The following HMOX2 variants were observed in gnomAD, a reference collection of about 807,000 sequenced individuals.
HMOX2 encodes heme oxygenase 2, also known as heme oxygenase (decycling) 2.
Under a neutral mutation model 33.7 loss-of-function variants are expected in HMOX2, and 30 were observed. The observed-to-expected ratio is 0.89, with a 90% CI of 0.67 to 1.21. HMOX2 has a LOEUF of 1.21. Among genes scored for constraint, HMOX2 ranks in the 50% most tolerant of loss-of-function variants. HMOX2 has a pLI of 0.00. For synonymous variants in HMOX2, 155 were observed against 155.0 expected, an observed-to-expected ratio of 1.00 and a Z score of 0.00; for missense variants, 403 against 399.1, an observed-to-expected ratio of 1.01 and a Z score of -0.08.
upstream of HMOX2, chr16:4,475,977 G>A (rs1293004703): frequency 6.6e-6 from 1 of 152,226 alleles, no homozygotes; most frequent in Non-Finnish European, 1.5e-5. Context: ...GCCGCTGTTT[G>A]AAGAATGCGA....
At chr16:4,492,339 T>A (rs970418213) in intron 1 of HMOX2, among the ~76,000 whole-genome samples, 49 of 149,730 alleles carry the variant, frequency 3.3e-4, no homozygotes, top group South Asian at 4.2e-4. Flanking sequence ...AAAAAAAAAA[T>A]TAAATAAATA....
At chr16:4,484,915 T>A (rs1394068413) in intron 1 of HMOX2, among the ~76,000 whole-genome samples, 2 of 152,106 alleles carry the variant, frequency 1.3e-5, no homozygotes, top group Admixed American at 6.6e-5. Context: ...AGAAAAAAAA[T>A]CTGTACATGT....
At chr16:4,481,349 A>C (rs1374412667) in intron 1 of HMOX2, among the ~76,000 whole-genome samples, 1 of 4,834 alleles carries the variant, frequency 2.1e-4, no homozygotes, top group African/African-American at 2.3e-4. Context: ...ACTCCGTCTC[A>C]AAAAAAAAAA....
At chr16:4,480,037 CTTTTTTATTTTTTA>C (rs527848423) in intron 1 of HMOX2, among the ~76,000 whole-genome samples, 2 of 149,310 alleles carry the variant, frequency 1.3e-5, no homozygotes, top group South Asian at 2.1e-4. Flanking sequence ...CTGCGCCCGG[CTTTTTTATTTTTTA>C]TTTTTTATTT....
rs74005340 is a variant in HMOX2, at chr16:4,481,609, T to C, written c.-42+5122T>C. Reference sequence around the variant, plus strand: ...GTCTGTATTGCACAATTAATATTTATAGAATGGTACACCTTATGTTATCTT... The same window carrying C: ...GTCTGTATTGCACAATTAATATTTACAGAATGGTACACCTTATGTTATCTT... On this transcript the variant is annotated intron_variant, in intron 1 of 5. Transcript: ENST00000570646. Among the ~76,000 whole-genome samples the C allele has an allele frequency of 1.9e-3, 294 of 152,326 alleles. 1 individual carries two copies. The highest frequency in any genetic ancestry group is 6.7e-3 in the African/African-American group (277 of 41,566).
At chr16:4,481,207 G>A (rs1016209058) in intron 1 of HMOX2, among the ~76,000 whole-genome samples, 2 of 151,810 alleles carry the variant, frequency 1.3e-5, no homozygotes, top group African/African-American at 4.8e-5. Context: ...AAATTAGCCG[G>A]GCATGGTGGC....
chr16:4,504,074 T>C (rs968765523), intron 1 of HMOX2, among the ~76,000 whole-genome samples: 7 of 152,248 alleles, frequency 4.6e-5, no homozygotes, highest in African/African-American at 1.4e-4. Flanking sequence ...TATGGGACTG[T>C]GTTTCCCTGG....
At chr16:4,477,526 G>T (rs1333048942) in intron 1 of HMOX2, among the ~76,000 whole-genome samples, 1 of 140,304 alleles carries the variant, frequency 7.1e-6, no homozygotes, top group African/African-American at 2.6e-5. Flanking sequence ...AAAAAAAATC[G>T]CTTCTGATGA....
chr16:4,494,083 G>A (rs951070888), intron 1 of HMOX2, among the ~76,000 whole-genome samples: 3 of 152,070 alleles, frequency 2.0e-5, no homozygotes, highest in Non-Finnish European at 4.4e-5. Context: ...TTGGGAGGCC[G>A]AGGCGGGTGG....
At position 4,509,525 on chromosome 16, in the gene HMOX2, T is replaced by C; in HGVS notation, c.810T>C (p.Ala270=). The change falls in exon 5 of 6, where the codon GCT becomes GCC. Residue 270 remains alanine, a synonymous_variant. Coordinates refer to ENST00000570646, the MANE Select transcript of HMOX2 (RefSeq NM_002134.4). The part of the protein sequence containing the change: ...GDMRKCPFYA[A]EQDKGALEGS... ...TGCGTAAATGCCCTTTCTACGCTGC[T>C]GAACAAGACAAAGGTAGGTCTGTGT... 1 of 1,614,178 alleles carries C rather than the reference T, an allele frequency of 6.2e-7. No homozygotes were observed. Among genetic ancestry groups the C allele is most frequent in the Non-Finnish European group, 8.5e-7 (1 of 1,180,026 alleles).
intron 1 of HMOX2, among the ~76,000 whole-genome samples, chr16:4,495,065 C>A (rs1007978900): frequency 1.3e-5 from 2 of 152,194 alleles, no homozygotes; most frequent in African/African-American, 4.8e-5. Context: ...GCTGCATTTA[C>A]AGCTAATTGC....
intron 1 of HMOX2, among the ~76,000 whole-genome samples, chr16:4,502,562 A>G (rs2058584428): frequency 6.6e-6 from 1 of 152,024 alleles, no homozygotes; most frequent in Non-Finnish European, 1.5e-5. Context: ...TAGAGGCTCC[A>G]GGACCCTTTA....
intron 1 of HMOX2, among the ~76,000 whole-genome samples, chr16:4,483,160 GGTGTGTGT>G (rs35532266): frequency 0.043 from 5,609 of 131,340 alleles, 128 homozygotes; most frequent in South Asian, 0.051. Flanking sequence ...TGCAAACCCT[GGTGTGTGT>G]GTGTGTGTGT....
Position 4,505,581 on chromosome 16 carries a change from T to TG in HMOX2, c.61dup (p.Ala21GlyfsTer12). ...TAGACGAGTCAGAAAAAAAGAACTC[T>TG]GGGGCCCTAGAAAAGGAGAACCAAA... On this transcript the variant is annotated frameshift_variant, in exon 2 of 6. Transcript: ENST00000570646. LOFTEE classifies it high-confidence loss of function. 6.2e-7 allele frequency: 1 copy of TG among 1,601,968 alleles called. No homozygotes were observed.
chr16:4,506,812 T>C, intron 2 of HMOX2, 83 bp from the exon 3 acceptor site: 1 of 979,048 alleles, frequency 1.0e-6, no homozygotes, highest in South Asian at 1.3e-5. Context: ...CCTTGGGGTG[T>C]GGACTCAATC....
intron 1 of HMOX2, among the ~76,000 whole-genome samples, chr16:4,501,984 T>C (rs2058570459): frequency 6.6e-6 from 1 of 152,234 alleles, no homozygotes; most frequent in Non-Finnish European, 1.5e-5. Context: ...GTATTCTTCC[T>C]GTTAGCTTTC....
intron 1 of HMOX2, chr16:4,481,874 G>C (rs2058040964): frequency 6.6e-6 from 1 of 152,284 alleles, no homozygotes; most frequent in Admixed American, 6.6e-5. Flanking sequence ...CTATCTCTGT[G>C]GCAGTCTGGA....
intron 1 of HMOX2, 34 bp from the exon 2 acceptor site, chr16:4,505,450 G>T (rs752727788): frequency 2.7e-6 from 3 of 1,091,334 alleles, no homozygotes; most frequent in Non-Finnish European, 4.0e-6. Flanking sequence ...GACTGCCGTG[G>T]GTGCCACATC....
intron 1 of HMOX2, among the ~76,000 whole-genome samples, chr16:4,493,551 A>G (rs2058350864): frequency 6.6e-6 from 1 of 152,354 alleles, no homozygotes; most frequent in Admixed American, 6.5e-5. Context: ...TGGGATGGGC[A>G]GAACCAGGGT....
Sources: allele counts gnomAD v4.1 joint callset (sites outside exome capture counted in the v4.1 genomes callset), GRCh38; gene constraint gnomAD v4.1.1; transcripts MANE v1.5; gene names NCBI Gene and HGNC (gene_info 2026-07-23, HGNC 2026-07-21).